STK33: variants seen among roughly 807,000 people sequenced by gnomAD.
STK33 encodes serine/threonine-protein kinase 33.
STK33 carries 52 observed loss-of-function variants against 58.0 expected under a neutral mutation model. The ratio of observed to expected loss-of-function variants is 0.90; its 90% CI spans 0.72 to 1.13. STK33 has a LOEUF of 1.13. Ranked by LOEUF, STK33 falls within the 50% of genes most tolerant of loss-of-function variation. The pLI, the probability that STK33 is intolerant of heterozygous loss-of-function variation, is 0.00. For missense variants in STK33, 630 were observed against 604.2 expected (o/e 1.04, Z -0.45); for synonymous variants, 215 against 200.1 (o/e 1.07, Z -0.63).
chr11:8,376,228 C>G, the STK33 span, among the ~76,000 whole-genome samples: 3 of 152,124 alleles, frequency 2.0e-5, no homozygotes, highest in Non-Finnish European at 2.9e-5. Context: ...GGGTCCTGGG[C>G]AGGAGGGGGC....
At chr11:8,375,159 T>C in the STK33 span, among the ~76,000 whole-genome samples, 1 of 152,260 alleles carries the variant, frequency 6.6e-6, no homozygotes, top group Non-Finnish European at 1.5e-5. Flanking sequence ...TTTTAATTAA[T>C]GTTACTCTTG....
At chr11:8,432,417 G>C (rs1235719118) in intron 14 of STK33, among the ~76,000 whole-genome samples, 1 of 152,172 alleles carries the variant, frequency 6.6e-6, no homozygotes, top group Non-Finnish European at 1.5e-5. Flanking sequence ...CCGGCCATTA[G>C]AGTCAAACTC....
intron 14 of STK33, among the ~76,000 whole-genome samples, chr11:8,434,904 G>A (rs1943878086): frequency 6.6e-6 from 1 of 152,190 alleles, no homozygotes; most frequent in Non-Finnish European, 1.5e-5. Flanking sequence ...TATAGAAGGA[G>A]AAGAATAAAT....
chr11:8,395,848 G>T (rs764461916), intron 15 of STK33, among the ~76,000 whole-genome samples: 3 of 152,150 alleles, frequency 2.0e-5, no homozygotes, highest in Non-Finnish European at 4.4e-5. Flanking sequence ...ATATGGATTT[G>T]TAATTTTGAA....
chr11:8,494,902 C>T (rs1355473483), intron 1 of STK33, among the ~76,000 whole-genome samples: 2 of 152,176 alleles, frequency 1.3e-5, no homozygotes, highest in African/African-American at 4.8e-5. Context: ...ATGTAGAAAG[C>T]TGAAACTGCA....
chr11:8,522,104 G>A (rs1218415299), intron 1 of STK33, among the ~76,000 whole-genome samples: 2 of 152,184 alleles, frequency 1.3e-5, no homozygotes, highest in Non-Finnish European at 2.9e-5. Flanking sequence ...AATACCATTT[G>A]ACCCAGCCAT....
chr11:8,523,082 G>C (rs971029824), intron 1 of STK33, among the ~76,000 whole-genome samples: 2 of 152,204 alleles, frequency 1.3e-5, no homozygotes, highest in African/African-American at 4.8e-5. Context: ...ACGGAGTCTC[G>C]CTCACTCAGT....
the STK33 span, among the ~76,000 whole-genome samples, chr11:8,363,126 C>A: frequency 3.9e-5 from 6 of 152,054 alleles, no homozygotes; most frequent in East Asian, 1.2e-3. Context: ...CTGAGAAGTC[C>A]GGCATGGGCT....
At chr11:8,533,100 A>C (rs751896570) in intron 1 of STK33, among the ~76,000 whole-genome samples, 3 of 152,264 alleles carry the variant, frequency 2.0e-5, no homozygotes, top group Non-Finnish European at 4.4e-5. Context: ...CCAACATTTT[A>C]TCAGTTGAAA....
At chr11:8,572,798 G>T (rs960789322) in intron 1 of STK33, among the ~76,000 whole-genome samples, 1 of 151,668 alleles carries the variant, frequency 6.6e-6, no homozygotes, top group African/African-American at 2.4e-5. Flanking sequence ...AAATGCAATA[G>T]ATAGAATTAA....
chr11:8,375,673 C>T, the STK33 span, among the ~76,000 whole-genome samples: 7 of 152,042 alleles, frequency 4.6e-5, no homozygotes, highest in African/African-American at 1.7e-4. Context: ...GGTGGTTTCC[C>T]CCATGCTGTT....
the STK33 span, among the ~76,000 whole-genome samples, chr11:8,368,421 G>A: frequency 1.3e-5 from 2 of 152,174 alleles, no homozygotes; most frequent in Non-Finnish European, 1.5e-5. Flanking sequence ...CATCAAGGTC[G>A]AACTGGGCCC....
At chr11:8,504,719 G>C (rs559180808) in intron 1 of STK33, among the ~76,000 whole-genome samples, 2 of 152,144 alleles carry the variant, frequency 1.3e-5, no homozygotes, top group Admixed American at 1.3e-4. Flanking sequence ...GATCACTTGA[G>C]CCCAGGAGTT....
chr11:8,480,138 G>C (rs1453169969), intron 2 of STK33, among the ~76,000 whole-genome samples: 1 of 152,190 alleles, frequency 6.6e-6, no homozygotes, highest in African/African-American at 2.4e-5. Context: ...GATTTGAAGA[G>C]ACAGTGGGTG....
chr11:8,481,378 G>A lies in STK33; in HGVS notation c.-465-764C>T, dbSNP rs756103659. Among the ~76,000 whole-genome samples, 65 of 152,170 alleles carry A rather than the reference G, an allele frequency of 4.3e-4. 1 individual carries two copies. Among genetic ancestry groups the A allele is most frequent in the Non-Finnish European group, 1.0e-4 (7 of 68,014 alleles). ...ACTCTGAACTGTGAGCCCCTCCAGGGCAGGAACCATGTCCTATTTACATTG... is the reference window on the plus strand; with the variant it reads ...ACTCTGAACTGTGAGCCCCTCCAGGACAGGAACCATGTCCTATTTACATTG... On this transcript the variant is annotated intron_variant, in intron 1 of 15. Coordinates refer to ENST00000687296, the MANE Select transcript of STK33 (RefSeq NM_001352389.2).
At chr11:8,402,701 G>A (rs1476716124) in intron 15 of STK33, among the ~76,000 whole-genome samples, 1 of 152,158 alleles carries the variant, frequency 6.6e-6, no homozygotes, top group Non-Finnish European at 1.5e-5. Flanking sequence ...ATGCTGAATG[G>A]CCACCATGGT....
At chr11:8,404,772 G>A (rs1467836148) in intron 15 of STK33, among the ~76,000 whole-genome samples, 13 of 152,092 alleles carry the variant, frequency 8.5e-5, no homozygotes, top group African/African-American at 2.7e-4. Context: ...ACATAAATCC[G>A]CTACAAACAT....
At chr11:8,458,363 T>G (rs1352926161) in intron 8 of STK33, among the ~76,000 whole-genome samples, 1 of 151,784 alleles carries the variant, frequency 6.6e-6, no homozygotes, top group Non-Finnish European at 1.5e-5. Flanking sequence ...ACATGAAATA[T>G]TACTCTTTTA....
At chr11:8,489,370 T>A (rs747205888) in intron 1 of STK33, among the ~76,000 whole-genome samples, 1 of 152,080 alleles carries the variant, frequency 6.6e-6, no homozygotes, top group Non-Finnish European at 1.5e-5. Context: ...AATATATATG[T>A]TTTAGTCCAT....
Sources: gnomAD v4.1 joint callset for allele counts (sites outside exome capture counted in the v4.1 genomes callset) on GRCh38, gnomAD v4.1.1 for gene constraint, MANE v1.5 for transcripts, NCBI Gene and HGNC (gene_info 2026-07-23, HGNC 2026-07-21) for gene names.